Variants in CYSLTR2 observed in about 807,000 individuals in gnomAD.
CYSLTR2 encodes G-protein coupled receptor GPCR21.
For synonymous variants in CYSLTR2, 179 were observed against 160.8 expected (o/e 1.11, Z -0.86); for missense variants, 398 against 411.9 (o/e 0.97, Z 0.29).
intron 1 of CYSLTR2, among the ~76,000 whole-genome samples, chr13:48,662,270 A>G (rs1418704918): frequency 1.3e-5 from 2 of 152,180 alleles, no homozygotes; most frequent in African/African-American, 4.8e-5. Flanking sequence ...TTGAACACTT[A>G]GGTTGATTCC....
rs1363457974 is a variant in CYSLTR2 at position 48,691,630 on chromosome 13, T to C, written c.-176+329T>C. Among the ~76,000 whole-genome samples, 5 of 152,032 alleles carry C rather than the reference T, an allele frequency of 3.3e-5. No individual in the cohort carries two copies. The East Asian group carries it at 9.6e-4, about 29-fold the overall frequency. On this transcript the variant is annotated intron_variant, in intron 2 of 4. Transcript: ENST00000682523. The stretch of plus-strand genomic sequence containing the variant: ...AATAAACAATAGATTTTTTGATGAG[T>C]CCCATGTCATTGAGTCAAAGCCCCT...
chr13:48,693,874 A>G (rs555721105), intron 3 of CYSLTR2, among the ~76,000 whole-genome samples: 27 of 152,346 alleles, frequency 1.8e-4, no homozygotes, highest in Non-Finnish European at 2.8e-4. Context: ...TCACTTTTAT[A>G]AAGTGCCTCT....
At chr13:48,673,898 C>G (rs146863921) in intron 1 of CYSLTR2, among the ~76,000 whole-genome samples, 1 of 152,178 alleles carries the variant, frequency 6.6e-6, no homozygotes, top group East Asian at 1.9e-4. Flanking sequence ...TTTAGCAGGA[C>G]GTGAAATTCC....
At chr13:48,655,972 A>G (rs1238155871) in intron 1 of CYSLTR2, among the ~76,000 whole-genome samples, 2 of 152,244 alleles carry the variant, frequency 1.3e-5, no homozygotes, top group Non-Finnish European at 2.9e-5. Context: ...TTAGTTGGCA[A>G]AGAAAGGTGA....
intron 3 of CYSLTR2, among the ~76,000 whole-genome samples, chr13:48,694,499 A>C (rs1009057906): frequency 3.3e-5 from 5 of 152,246 alleles, no homozygotes; most frequent in African/African-American, 1.2e-4. Flanking sequence ...CCAAGGATCT[A>C]TTCCTAGGAA....
intron 1 of CYSLTR2, among the ~76,000 whole-genome samples, chr13:48,658,565 G>T (rs1953053085): frequency 6.6e-6 from 1 of 152,206 alleles, no homozygotes; most frequent in South Asian, 2.1e-4. Flanking sequence ...GGAGACAACT[G>T]CTGCCCCTGG....
chr13:48,678,451 C>T (rs1953660526), intron 1 of CYSLTR2, among the ~76,000 whole-genome samples: 1 of 152,186 alleles, frequency 6.6e-6, no homozygotes, highest in African/African-American at 2.4e-5. Context: ...AGCCTCTTCT[C>T]TCTGCCTGTC....
intron 4 of CYSLTR2, among the ~76,000 whole-genome samples, chr13:48,704,120 T>C (rs1431410960): frequency 1.3e-5 from 2 of 152,242 alleles, no homozygotes; most frequent in Non-Finnish European, 2.9e-5. Context: ...TGTTCTACTT[T>C]TTTTTCGTAC....
At chr13:48,695,791 G>A (rs1251675796) in intron 3 of CYSLTR2, among the ~76,000 whole-genome samples, 2 of 152,212 alleles carry the variant, frequency 1.3e-5, no homozygotes, top group African/African-American at 4.8e-5. Flanking sequence ...TGGTATGCAT[G>A]TACCACTGTT....
At chr13:48,675,233 G>C (rs1032018698) in intron 1 of CYSLTR2, among the ~76,000 whole-genome samples, 2 of 152,294 alleles carry the variant, frequency 1.3e-5, no homozygotes, top group Admixed American at 6.5e-5. Context: ...TGCTGAAGTT[G>C]TGCCCACAGC....
At chr13:48,688,058 A>G (rs572018067) in intron 1 of CYSLTR2, among the ~76,000 whole-genome samples, 331 of 152,238 alleles carry the variant, frequency 2.2e-3, no homozygotes, top group Admixed American at 3.5e-3. Context: ...GATAGGCCCA[A>G]TCTTTGTTCT....
At chr13:48,692,635 T>C (rs1357896470) in intron 2 of CYSLTR2, among the ~76,000 whole-genome samples, 1 of 151,310 alleles carries the variant, frequency 6.6e-6, no homozygotes, top group Non-Finnish European at 1.5e-5. Context: ...AACAGGATAT[T>C]TATTCTGTAT....
rs547762017 is a variant in CYSLTR2 at position 48,661,109 on chromosome 13, C to CT, written c.-266+7101dup. Among the ~76,000 whole-genome samples the CT allele has an allele frequency of 3.6e-3, 550 of 151,248 alleles. 5 individuals carry two copies. The highest frequency in any genetic ancestry group is 0.013 in the African/African-American group (517 of 41,222). Reference sequence around the variant, plus strand: ...CTTTTATTTATTTATTTAAATTAATCTTTTTTTTTAATTTTTCTTTTTTAT... The same window carrying CT: ...CTTTTATTTATTTATTTAAATTAATCTTTTTTTTTTAATTTTTCTTTTTTAT... On this transcript the variant is annotated intron_variant, in intron 1 of 4. Coordinates refer to ENST00000682523, the MANE Select transcript of CYSLTR2 (RefSeq NM_001308476.3).
intron 3 of CYSLTR2, 111 bp from the exon 4 acceptor site, chr13:48,696,415 A>G (rs2138963397): frequency 6.6e-6 from 1 of 152,292 alleles, no homozygotes. Context: ...GCTCCAATTT[A>G]TCAATTTTTT....
chr13:48,661,806 G>A (rs1953136710), intron 1 of CYSLTR2, among the ~76,000 whole-genome samples: 4 of 152,270 alleles, frequency 2.6e-5, no homozygotes, highest in Non-Finnish European at 2.9e-5. Context: ...TCAGATCAGG[G>A]TAATTAGCAT....
chr13:48,680,902 G>A lies in CYSLTR2; in HGVS notation c.-265-10310G>A, dbSNP rs1323363677. The stretch of plus-strand genomic sequence containing the variant: ...AATGCACAATCAAAATATTTTAAAG[G>A]TTTCTCAAGAGAAAGTGTCGAACTA... On this transcript the variant is annotated intron_variant, in intron 1 of 4. Transcript: ENST00000682523. Among the ~76,000 whole-genome samples the A allele has an allele frequency of 2.7e-5, 4 of 149,222 alleles. No homozygotes were observed. In the East Asian group the frequency reaches 7.9e-4, roughly 29 times the overall value.
chr13:48,700,454 C>G (rs1233671924), intron 4 of CYSLTR2, among the ~76,000 whole-genome samples: 1 of 152,114 alleles, frequency 6.6e-6, no homozygotes, highest in Non-Finnish European at 1.5e-5. Context: ...AAAAGGCCTT[C>G]AACAAAATTC....
At chr13:48,688,453 T>A (rs138825240) in intron 1 of CYSLTR2, among the ~76,000 whole-genome samples, 1 of 152,208 alleles carries the variant, frequency 6.6e-6, no homozygotes, top group African/African-American at 2.4e-5. Flanking sequence ...TTCCCCTCCC[T>A]GTGTCCGTGT....
chr13:48,680,800 CTTTTT>C (rs139896583), intron 1 of CYSLTR2, among the ~76,000 whole-genome samples: 22 of 55,048 alleles, frequency 4.0e-4, no homozygotes, highest in East Asian at 1.2e-3. Flanking sequence ...CTTTTCTTTT[CTTTTT>C]TTTTTTTTTT....
Sources: gnomAD v4.1 joint callset for allele counts (sites outside exome capture counted in the v4.1 genomes callset) on GRCh38, gnomAD v4.1.1 for gene constraint, MANE v1.5 for transcripts, NCBI Gene and HGNC (gene_info 2026-07-23, HGNC 2026-07-21) for gene names.